The following ARHGAP18 variants were observed in gnomAD, a reference collection of about 807,000 sequenced individuals.
ARHGAP18 encodes Rho GTPase activating protein 18.
ARHGAP18 carries 67 observed loss-of-function variants against 86.2 expected under a neutral mutation model. The observed-to-expected ratio is 0.78, with a 90% confidence interval of 0.64 to 0.95. The LOEUF (loss-of-function observed/expected upper bound fraction) is 0.95, where lower values mean the gene tolerates loss of function less well. Among genes scored for constraint, ARHGAP18 ranks in the 40% least tolerant of loss-of-function variants. The probability of loss-of-function intolerance (pLI) is 0.00; values close to 1 mark genes in which losing one functional copy is unlikely to be tolerated. For missense variants in ARHGAP18, 691 were observed against 780.4 expected (o/e 0.89, Z 1.37); for synonymous variants, 283 against 280.4 (o/e 1.01, Z -0.09).
chr6:129,617,654 T>C (rs1008175124), intron 6 of ARHGAP18, among the ~76,000 whole-genome samples: 7 of 152,180 alleles, frequency 4.6e-5, no homozygotes, highest in Non-Finnish European at 1.0e-4. Context: ...AAAAAAACTC[T>C]TAGCCACTTT....
intron 13 of ARHGAP18, among the ~76,000 whole-genome samples, chr6:129,580,391 C>A (rs1311349190): frequency 1.3e-5 from 2 of 152,106 alleles, no homozygotes; most frequent in African/African-American, 4.8e-5. Context: ...TTGTAAAATT[C>A]AAAAGAAAAG....
chr6:129,625,739 ATATT>A (rs1309703577), intron 5 of ARHGAP18, among the ~76,000 whole-genome samples: 1 of 33,830 alleles, frequency 3.0e-5, no homozygotes, highest in Non-Finnish European at 5.6e-5. Context: ...TATTTATTAT[ATATT>A]TATATATTAT....
At chr6:129,657,699 G>A (rs1171409241) in intron 1 of ARHGAP18, among the ~76,000 whole-genome samples, 1 of 152,176 alleles carries the variant, frequency 6.6e-6, no homozygotes, top group Non-Finnish European at 1.5e-5. Context: ...TCCAAGTACT[G>A]TGAGAACAAT....
intron 5 of ARHGAP18, among the ~76,000 whole-genome samples, chr6:129,625,679 A>G (rs1473942229): frequency 1.4e-5 from 1 of 70,526 alleles, no homozygotes; most frequent in Non-Finnish European, 2.5e-5. Flanking sequence ...ATTATATTAT[A>G]TATATTTATA....
At chr6:129,623,006 C>CAAA (rs57274879) in intron 5 of ARHGAP18, among the ~76,000 whole-genome samples, 42 of 39,720 alleles carry the variant, frequency 1.1e-3, no homozygotes, top group East Asian at 3.5e-3. Flanking sequence ...CATCTCAAAA[C>CAAA]AAAAAAAAAA....
At chr6:129,634,006 G>GAAA (rs113829468) in intron 4 of ARHGAP18, 36 bp downstream of exon 4, 1,536 of 1,391,806 alleles carry the variant, frequency 1.1e-3, no homozygotes, top group South Asian at 1.4e-3. Flanking sequence ...TTAAAGGGCG[G>GAAA]AAAAAAAAAA....
At chr6:129,601,340 G>A (rs1788738223) in intron 10 of ARHGAP18, among the ~76,000 whole-genome samples, 1 of 152,084 alleles carries the variant, frequency 6.6e-6, no homozygotes, top group South Asian at 2.1e-4. Context: ...TGGGTATGGT[G>A]GTGCATACCT....
intron 5 of ARHGAP18, among the ~76,000 whole-genome samples, chr6:129,619,762 G>T (rs773454996): frequency 1.3e-5 from 2 of 151,620 alleles, no homozygotes; most frequent in Admixed American, 6.6e-5. Flanking sequence ...ATACACTTAT[G>T]TATCTTTTAA....
At chr6:129,586,275 C>T (rs1244479482) in intron 12 of ARHGAP18, among the ~76,000 whole-genome samples, 2 of 152,142 alleles carry the variant, frequency 1.3e-5, no homozygotes, top group African/African-American at 4.8e-5. Flanking sequence ...ATTGTAATAG[C>T]AACATCTGAA....
rs1774033087 is a variant in ARHGAP18 at position 129,666,244 on chromosome 6, G to T, written c.114-24226C>A. 1.3e-5 allele frequency among the ~76,000 whole-genome samples: 2 copies of T among 152,146 alleles called. 1 individual carries two copies. Among genetic ancestry groups the T allele is most frequent in the Admixed American group, 1.3e-4 (2 of 15,274 alleles). On this transcript the variant is annotated intron_variant, in intron 1 of 14. Coordinates refer to ENST00000368149, the MANE Select transcript of ARHGAP18 (RefSeq NM_033515.3). ...GCCCTCTTTTTCTGTGGAAAAGAGG[G>T]TTATTCTGCCTCCCAGCAAAGCTCC...
chr6:129,619,948 G>T (rs551594421), intron 5 of ARHGAP18, among the ~76,000 whole-genome samples: 4 of 151,536 alleles, frequency 2.6e-5, no homozygotes, highest in Non-Finnish European at 1.5e-5. Flanking sequence ...GGAGATGGAG[G>T]GGGAGGGAAA....
chr6:129,632,353 T>A (rs1773235587), intron 4 of ARHGAP18, among the ~76,000 whole-genome samples: 2 of 152,210 alleles, frequency 1.3e-5, no homozygotes, highest in Non-Finnish European at 2.9e-5. Flanking sequence ...ACATTTCACT[T>A]GCCTGCTGCA....
chr6:129,583,866 T>C, intron 13 of ARHGAP18, 122 bp downstream of exon 13: 2 of 1,291,218 alleles, frequency 1.5e-6, no homozygotes, highest in African/African-American at 1.5e-5. Context: ...TTTTTAAGCA[T>C]TTCATACTAC....
chr6:129,675,306 C>G (rs1774210172), intron 1 of ARHGAP18, among the ~76,000 whole-genome samples: 1 of 150,952 alleles, frequency 6.6e-6, no homozygotes, highest in African/African-American at 2.4e-5. Flanking sequence ...ATGGCGGGAA[C>G]CCGGGAGGCA....
At chr6:129,666,732 TC>T (rs1336041948) in intron 1 of ARHGAP18, among the ~76,000 whole-genome samples, 1 of 152,200 alleles carries the variant, frequency 6.6e-6, no homozygotes, top group African/African-American at 2.4e-5. Context: ...CACCAATGCT[TC>T]TTAGAAGTAG....
chr6:129,641,119 T>C (rs951853511), intron 2 of ARHGAP18, among the ~76,000 whole-genome samples: 4 of 152,204 alleles, frequency 2.6e-5, no homozygotes, highest in African/African-American at 9.6e-5. Flanking sequence ...TTTAGATTAG[T>C]TGGCTAAACA....
chr6:129,652,093 C>T (rs188599128), intron 1 of ARHGAP18, among the ~76,000 whole-genome samples: 2 of 152,314 alleles, frequency 1.3e-5, no homozygotes, highest in Admixed American at 6.5e-5. Flanking sequence ...GTTTATAGGC[C>T]ACCTAGTTGA....
At chr6:129,590,825 T>C (rs1178544315) in intron 12 of ARHGAP18, among the ~76,000 whole-genome samples, 1 of 152,220 alleles carries the variant, frequency 6.6e-6, no homozygotes, top group Non-Finnish European at 1.5e-5. Context: ...TGTGTGTCTA[T>C]GGGATATGAA....
intron 7 of ARHGAP18, among the ~76,000 whole-genome samples, chr6:129,615,274 T>C (rs1373312700): frequency 6.6e-6 from 1 of 152,186 alleles, no homozygotes; most frequent in East Asian, 1.9e-4. Context: ...CATAGATACA[T>C]GTTCTGCATG....
Sources: allele counts gnomAD v4.1 joint callset (sites outside exome capture counted in the v4.1 genomes callset), GRCh38; gene constraint gnomAD v4.1.1; transcripts MANE v1.5; gene names NCBI Gene and HGNC (gene_info 2026-07-23, HGNC 2026-07-21).